Variants in USP25 observed in about 807,000 individuals in gnomAD.
USP25 encodes the protein ubiquitin specific peptidase 25, also known as ubiquitin carboxyl-terminal hydrolase 25.
USP25 carries 85 observed loss-of-function variants against 158.5 expected under a neutral mutation model. The ratio of observed to expected loss-of-function variants is 0.54; its 90% CI spans 0.45 to 0.64. USP25 has a LOEUF of 0.64. Among genes scored for constraint, USP25 ranks in the 30% least tolerant of loss-of-function variants. The pLI, the probability that USP25 is intolerant of heterozygous loss-of-function variation, is 0.00. For synonymous variants in USP25, 464 were observed against 460.4 expected (o/e 1.01, Z -0.10); for missense variants, 1,242 against 1,327.3 (o/e 0.94, Z 1.00).
At chr21:15,764,315 GC>G (rs143840077) in intron 2 of USP25, among the ~76,000 whole-genome samples, 1 of 138,358 alleles carries the variant, frequency 7.2e-6, no homozygotes, top group African/African-American at 2.7e-5. Context: ...TGGGGAATTT[GC>G]TTTTTTTTTT....
chr21:15,808,691 T>C (rs899006342), intron 7 of USP25, 118 bp from the exon 8 acceptor site: 11 of 629,948 alleles, frequency 1.7e-5, no homozygotes, highest in Non-Finnish European at 2.6e-5. Context: ...TCACTTGTTA[T>C]CTTTGTAAGG....
intron 3 of USP25, among the ~76,000 whole-genome samples, chr21:15,772,586 A>G (rs1328172609): frequency 6.6e-6 from 1 of 152,178 alleles, no homozygotes; most frequent in African/African-American, 2.4e-5. Flanking sequence ...ATTTTCTGTA[A>G]CTGACTTTTA....
intron 21 of USP25, among the ~76,000 whole-genome samples, chr21:15,865,290 G>C (rs1232968830): frequency 6.6e-6 from 1 of 152,096 alleles, no homozygotes; most frequent in Non-Finnish European, 1.5e-5. Context: ...CATTTATGCT[G>C]TTGCAGTTCA....
intron 1 of USP25, among the ~76,000 whole-genome samples, chr21:15,746,323 A>G (rs2032557681): frequency 6.6e-6 from 1 of 152,230 alleles, no homozygotes; most frequent in Non-Finnish European, 1.5e-5. Flanking sequence ...CCAAGAACAC[A>G]TATATTTCTC....
rs1324789456 is a variant in USP25 at position 15,767,483 on chromosome 21, C to CA, written c.268+1348dup. On this transcript the variant is annotated intron_variant, in intron 3 of 25. Coordinates refer to ENST00000400183, the MANE Select transcript of USP25 (RefSeq NM_001283041.3). ...TATTTGCTTGAACATTATTGGTGCT[C>CA]AAAAAATGTTCACTGAGTTATGTTT... Among the ~76,000 whole-genome samples the CA allele has an allele frequency of 5.3e-5, 8 of 151,854 alleles. No homozygotes were observed. In the East Asian group the frequency reaches 1.4e-3, roughly 26 times the overall value.
intron 6 of USP25, among the ~76,000 whole-genome samples, chr21:15,801,765 A>G (rs916753690): frequency 2.0e-5 from 3 of 151,596 alleles, no homozygotes; most frequent in Non-Finnish European, 3.0e-5. Flanking sequence ...TGATCACATC[A>G]CAGAGATGCC....
intron 20 of USP25, among the ~76,000 whole-genome samples, chr21:15,851,127 C>T (rs1460533381): frequency 1.3e-5 from 2 of 151,046 alleles, no homozygotes; most frequent in East Asian, 3.9e-4. Context: ...AAAAAAAAAA[C>T]ACTGAATATA....
chr21:15,804,975 T>G, intron 6 of USP25, 146 bp from the exon 7 acceptor site: 1 of 822,992 alleles, frequency 1.2e-6, no homozygotes, highest in African/African-American at 1.8e-5. Flanking sequence ...CACTCTACTT[T>G]CTTCAATTAT....
At chr21:15,810,472 T>TAA in intron 8 of USP25, among the ~76,000 whole-genome samples, 1 of 152,208 alleles carries the variant, frequency 6.6e-6, no homozygotes, top group Admixed American at 6.5e-5. Flanking sequence ...ACACAAACCA[T>TAA]AAAAAGACAA....
intron 1 of USP25, among the ~76,000 whole-genome samples, chr21:15,735,980 GTA>G (rs755872310): frequency 0.086 from 12,225 of 142,352 alleles, 486 homozygotes; most frequent in Non-Finnish European, 0.087. Context: ...GTGTGTGTGT[GTA>G]TGTGTGTGTG....
chr21:15,736,697 C>A (rs1261250268), intron 1 of USP25, among the ~76,000 whole-genome samples: 3 of 151,848 alleles, frequency 2.0e-5, no homozygotes, highest in Non-Finnish European at 2.9e-5. Flanking sequence ...TTTTTCTCCA[C>A]CCATTTGCCC....
chr21:15,839,947 T>A (rs4143347), intron 17 of USP25, among the ~76,000 whole-genome samples: 15 of 152,304 alleles, frequency 9.8e-5, no homozygotes, highest in Middle Eastern at 3.4e-3. Flanking sequence ...AGAGTCTTTG[T>A]GAGTTTCTCT....
At chr21:15,742,318 TG>T (rs957886338) in intron 1 of USP25, among the ~76,000 whole-genome samples, 2 of 152,116 alleles carry the variant, frequency 1.3e-5, no homozygotes, top group African/African-American at 4.8e-5. Flanking sequence ...ATAGATGTGC[TG>T]GGGAGGGGTG....
At chr21:15,828,020 G>T (rs957701917) in intron 14 of USP25, among the ~76,000 whole-genome samples, 3 of 151,524 alleles carry the variant, frequency 2.0e-5, no homozygotes, top group Non-Finnish European at 4.4e-5. Context: ...CCAATTTTAT[G>T]CTGATTTATT....
At chr21:15,832,455 T>C (rs1324837978) in intron 16 of USP25, among the ~76,000 whole-genome samples, 2 of 152,238 alleles carry the variant, frequency 1.3e-5, no homozygotes, top group Non-Finnish European at 2.9e-5. Context: ...AATGAAGTTA[T>C]TTTTCTGTGT....
chr21:15,812,837 C>T (rs2036740210), intron 9 of USP25, among the ~76,000 whole-genome samples: 1 of 151,964 alleles, frequency 6.6e-6, no homozygotes, highest in Non-Finnish European at 1.5e-5. Flanking sequence ...ATAGATCTTC[C>T]TAATACTTTC....
intron 1 of USP25, among the ~76,000 whole-genome samples, chr21:15,735,446 G>A (rs1486836275): frequency 1.3e-5 from 2 of 151,980 alleles, no homozygotes; most frequent in Non-Finnish European, 2.9e-5. Flanking sequence ...TATGCTGGAG[G>A]ATGTGTGGAT....
intron 3 of USP25, among the ~76,000 whole-genome samples, chr21:15,769,039 A>AT (rs55788731): frequency 6.7e-5 from 10 of 149,446 alleles, no homozygotes; most frequent in African/African-American, 9.8e-5. Flanking sequence ...GAAGGAATAA[A>AT]TTTTTTTTTT....
chr21:15,829,166 T>C (rs902325262), intron 14 of USP25, among the ~76,000 whole-genome samples: 1 of 152,174 alleles, frequency 6.6e-6, no homozygotes, highest in African/African-American at 2.4e-5. Flanking sequence ...AAGTAGGATA[T>C]GTTCTTTTTT....
Sources: allele counts gnomAD v4.1 joint callset (sites outside exome capture counted in the v4.1 genomes callset), GRCh38; gene constraint gnomAD v4.1.1; transcripts MANE v1.5; gene names NCBI Gene and HGNC (gene_info 2026-07-23, HGNC 2026-07-21).